Variants in SLC9A4 observed in about 807,000 individuals in gnomAD.
The protein encoded by SLC9A4 is sodium/hydrogen exchanger 4.
Under a neutral mutation model 67.4 loss-of-function variants are expected in SLC9A4, and 63 were observed. That is an observed-to-expected ratio of 0.93 (90% CI 0.76 to 1.15). The LOEUF (loss-of-function observed/expected upper bound fraction) is 1.15, where lower values mean the gene tolerates loss of function less well. SLC9A4 is among the 50% of genes most tolerant of loss of function. The pLI is 0.00. For missense variants in SLC9A4, 1,089 were observed against 987.7 expected (o/e 1.10, Z -1.38); for synonymous variants, 393 against 367.2 (o/e 1.07, Z -0.80).
chr2:102,495,603 T>C (rs1684790498), intron 2 of SLC9A4, among the ~76,000 whole-genome samples: 1 of 152,146 alleles, frequency 6.6e-6, no homozygotes, highest in South Asian at 2.1e-4. Flanking sequence ...ATTTGATGAC[T>C]TACTATAATG....
At position 102,532,756 on chromosome 2, in the gene SLC9A4, A is replaced by G. The variant is rs1674806374; in HGVS notation, c.*68A>G. ...GTCTTCCTATAACTGTGAAAGGAGGATTTCTGGAATTCAGAAGAGAGCTAT... is the reference window on the plus strand; with the variant it reads ...GTCTTCCTATAACTGTGAAAGGAGGGTTTCTGGAATTCAGAAGAGAGCTAT... On this transcript the variant is annotated 3_prime_UTR_variant, in exon 12 of 12. Coordinates refer to ENST00000295269, the MANE Select transcript of SLC9A4 (RefSeq NM_001011552.4). The G allele has an allele frequency of 6.9e-7, 1 of 1,449,116 alleles. No individual in the cohort carries two copies. The allele number at this position is 1,449,116 out of a possible 1,614,324, so 89.8% of individuals were successfully genotyped here.
Position 102,532,946 on chromosome 2 carries a change from A to C in SLC9A4, c.*258A>C, listed in dbSNP as rs1674810553. 2.8e-6 allele frequency: 1 copy of C among 351,350 alleles called. No individual in the cohort carries two copies. Among genetic ancestry groups the C allele is most frequent in the African/African-American group, 2.0e-5 (1 of 49,372 alleles). The allele number at this position is 351,350 out of a possible 1,614,324, so 21.8% of individuals were successfully genotyped here. On this transcript the variant is annotated 3_prime_UTR_variant, in exon 12 of 12. Transcript: ENST00000295269. Reference sequence around the variant, plus strand: ...AAGTTGATCACCCCAGGAATTAGTCACTAAGAATTCCTAAGAACTTTCTAT... The same window carrying C: ...AAGTTGATCACCCCAGGAATTAGTCCCTAAGAATTCCTAAGAACTTTCTAT...
At chr2:102,514,933 A>G (rs1007629878) in intron 8 of SLC9A4, among the ~76,000 whole-genome samples, 1 of 152,168 alleles carries the variant, frequency 6.6e-6, no homozygotes, top group African/African-American at 2.4e-5. Context: ...ACGATTTTCT[A>G]TGCAACGTGG....
intron 4 of SLC9A4, among the ~76,000 whole-genome samples, chr2:102,506,571 T>A (rs764690231): frequency 1.3e-5 from 2 of 152,190 alleles, no homozygotes; most frequent in Admixed American, 6.5e-5. Flanking sequence ...ACCGGCCTTA[T>A]TACAAACTAG....
intron 11 of SLC9A4, among the ~76,000 whole-genome samples, chr2:102,527,516 A>C (rs1674691622): frequency 6.6e-6 from 1 of 152,232 alleles, no homozygotes; most frequent in Non-Finnish European, 1.5e-5. Context: ...AAATATAAAC[A>C]ATGATACATA....
Position 102,519,943 on chromosome 2 carries a change from A to C in SLC9A4, c.1806A>C (p.Gln602His). The C allele has an allele frequency of 6.2e-7, 1 of 1,613,580 alleles. No individual in the cohort carries two copies. Among genetic ancestry groups the C allele is most frequent in the Non-Finnish European group, 8.5e-7 (1 of 1,179,592 alleles). ...ACATTCTGACATCCAACATGTACCAAGTTCGGCAAAGGGTGTGTATGAGCC... is the reference window on the plus strand; with the variant it reads ...ACATTCTGACATCCAACATGTACCACGTTCGGCAAAGGGTGTGTATGAGCC... ...IRDILTSNMY[Q>H]VRQRTLSYNK... Residue 602 changes from glutamine (Q) to histidine (H), a missense_variant, in exon 9 of 12, where the codon CAA becomes CAC. Transcript: ENST00000295269.
intron 3 of SLC9A4, 28 bp downstream of exon 3, chr2:102,503,735 A>G (rs376322128): frequency 6.2e-7 from 1 of 1,607,570 alleles, no homozygotes; most frequent in Non-Finnish European, 8.5e-7. Context: ...ATCAAGTCAC[A>G]TAGTAATAGA....
intron 2 of SLC9A4, among the ~76,000 whole-genome samples, chr2:102,482,291 G>C (rs2104415788): frequency 6.6e-6 from 1 of 152,176 alleles, no homozygotes; most frequent in South Asian, 2.1e-4. Flanking sequence ...AGACTGTCTG[G>C]GAGTTGAACC....
chr2:102,515,354 C>A (rs1337093798), intron 8 of SLC9A4, among the ~76,000 whole-genome samples: 1 of 150,092 alleles, frequency 6.7e-6, no homozygotes, highest in Non-Finnish European at 1.5e-5. Context: ...TGAGAAGAAT[C>A]CTAACTAAAA....
chr2:102,482,438 C>T (rs1406509477), intron 2 of SLC9A4, among the ~76,000 whole-genome samples: 1 of 152,198 alleles, frequency 6.6e-6, no homozygotes, highest in African/African-American at 2.4e-5. Flanking sequence ...TTATCCATCT[C>T]CCCAGACGAC....
intron 2 of SLC9A4, 27 bp from the exon 3 acceptor site, chr2:102,503,421 T>C: frequency 6.5e-7 from 1 of 1,538,698 alleles, no homozygotes; most frequent in Non-Finnish European, 8.8e-7. Context: ...TCATAATTCA[T>C]ATTTGTTTAC....
At chr2:102,522,184 A>C (rs1458098186) in intron 9 of SLC9A4, among the ~76,000 whole-genome samples, 1 of 152,216 alleles carries the variant, frequency 6.6e-6, no homozygotes. Flanking sequence ...TCACAGATTG[A>C]TGGGTGATTC....
chr2:102,477,295 C>G (rs1684355592), intron 1 of SLC9A4, among the ~76,000 whole-genome samples: 1 of 152,226 alleles, frequency 6.6e-6, no homozygotes, highest in Non-Finnish European at 1.5e-5. Flanking sequence ...TTATTTCACT[C>G]TTGATGTTCT....
intron 2 of SLC9A4, among the ~76,000 whole-genome samples, chr2:102,484,859 G>A (rs549683954): frequency 2.0e-5 from 3 of 152,038 alleles, no homozygotes; most frequent in African/African-American, 7.2e-5. Context: ...ACTGCCACCC[G>A]GTACTTCCCC....
At chr2:102,484,072 A>G (rs889142453) in intron 2 of SLC9A4, among the ~76,000 whole-genome samples, 19 of 152,034 alleles carry the variant, frequency 1.2e-4, no homozygotes, top group African/African-American at 4.3e-4. Context: ...TGCATCTACT[A>G]TGTCACTTTT....
chr2:102,514,178 C>A lies in SLC9A4; in HGVS notation c.1648C>A (p.Leu550Met). 6.2e-7 allele frequency: 1 copy of A among 1,614,022 alleles called. No individual in the cohort carries two copies. The highest frequency in any genetic ancestry group is 1.1e-5 in the South Asian group (1 of 91,078). Residue 550 changes from leucine to methionine, a missense_variant, in exon 8 of 12, where the codon CTG becomes ATG. Coordinates refer to ENST00000295269, the MANE Select transcript of SLC9A4 (RefSeq NM_001011552.4). Reference protein sequence around the residue: ...KSSIVSLYKKLEMKQAIEMVE... With the variant: ...KSSIVSLYKKMEMKQAIEMVE... Reference sequence around the variant, plus strand: ...AAGCATTGTTTCTTTGTACAAGAAGCTGGAAATGAAGCAAGCCATCGAGAT... The same window carrying A: ...AAGCATTGTTTCTTTGTACAAGAAGATGGAAATGAAGCAAGCCATCGAGAT...
At chr2:102,505,713 T>TA (rs1180609778) in intron 4 of SLC9A4, 2 of 423,398 alleles carry the variant, frequency 4.7e-6, no homozygotes, top group Admixed American at 3.9e-5. Context: ...TACTTTTTTT[T>TA]AATTGAAGAA....
intron 6 of SLC9A4, among the ~76,000 whole-genome samples, chr2:102,510,272 C>CAGATACAGATATAT (rs61491026): frequency 7.9e-6 from 1 of 126,258 alleles, no homozygotes; most frequent in African/African-American, 3.1e-5. Context: ...GATACAGATA[C>CAGATACAGATATAT]AGATATAGAT....
At chr2:102,501,323 G>A (rs1684935578) in intron 2 of SLC9A4, among the ~76,000 whole-genome samples, 1 of 152,046 alleles carries the variant, frequency 6.6e-6, no homozygotes, top group African/African-American at 2.4e-5. Context: ...GTTTCACCAC[G>A]TTGCCCTGGC....
Sources: allele counts gnomAD v4.1 joint callset (sites outside exome capture counted in the v4.1 genomes callset), GRCh38; gene constraint gnomAD v4.1.1; transcripts MANE v1.5; gene names NCBI Gene and HGNC (gene_info 2026-07-23, HGNC 2026-07-21).